Variants in OSGIN1 observed in about 807,000 individuals in gnomAD.
OSGIN1 encodes the protein oxidative stress induced growth inhibitor 1, also known as oxidative stress-induced growth inhibitor 1.
OSGIN1 carries 19 observed loss-of-function variants against 20.1 expected under a neutral mutation model. The observed-to-expected ratio is 0.95, with a 90% CI of 0.66 to 1.39. The LOEUF (loss-of-function observed/expected upper bound fraction) is 1.39. OSGIN1 is among the 40% of genes most tolerant of loss of function. The pLI is 0.00. For missense variants in OSGIN1, 820 were observed against 653.0 expected (o/e 1.26, Z -2.79); for synonymous variants, 368 against 297.8 (o/e 1.24, Z -2.43).
Position 83,966,321 on chromosome 16 carries a change from G to A in OSGIN1, c.*314G>A. 2 of 421,218 alleles carry A rather than the reference G, an allele frequency of 4.7e-6. No homozygotes were observed. Among genetic ancestry groups the A allele is most frequent in the East Asian group, 3.9e-5 (1 of 25,650 alleles). 26.1% of individuals were successfully genotyped at this position (421,218 alleles called of 1,614,324 possible). On this transcript the variant is annotated 3_prime_UTR_variant, in exon 6 of 6. Transcript: ENST00000393306. ...CAGAAGCAGGTCCCAAATAAAGCCA[G>A]TGCCCACCTGCTCTCATGCGTCTGA...
Position 83,965,570 on chromosome 16 carries a change from C to T in OSGIN1, c.997C>T (p.Leu333=), listed in dbSNP as rs149593532. 7 of 1,612,854 alleles carry T rather than the reference C, an allele frequency of 4.3e-6. No individual in the cohort carries two copies. In the African/African-American group the frequency reaches 8.0e-5, roughly 18 times the overall value. The change falls in exon 6 of 6, where the codon CTG becomes TTG. Residue 333 remains leucine (L), a synonymous_variant. Coordinates refer to ENST00000393306, the MANE Select transcript of OSGIN1 (RefSeq NM_182981.3). ...GGTGTTCAACCAGCTGCCCAAGATGCTGTACCCCGAGTACCACAAGGTGCA... is the reference window on the plus strand; with the variant it reads ...GGTGTTCAACCAGCTGCCCAAGATGTTGTACCCCGAGTACCACAAGGTGCA... The part of the protein sequence containing the change: ...GLVFNQLPKM[L]YPEYHKVHQM...
intron 5 of OSGIN1, among the ~76,000 whole-genome samples, chr16:83,962,911 CTT>C (rs1223496472): frequency 6.6e-6 from 1 of 152,232 alleles, no homozygotes; most frequent in Non-Finnish European, 1.5e-5. Context: ...TTTCCTTTAA[CTT>C]AGTGATTTGG....
intron 2 of OSGIN1, among the ~76,000 whole-genome samples, chr16:83,958,897 C>T (rs971298604): frequency 6.6e-6 from 1 of 152,196 alleles, no homozygotes; most frequent in African/African-American, 2.4e-5. Flanking sequence ...GGGTTTTAAT[C>T]CCGGCTCGTC....
At position 83,965,650 on chromosome 16, in the gene OSGIN1, C is replaced by T. The variant is rs1194332568; in HGVS notation, c.1077C>T (p.Arg359=). 3 of 1,613,306 alleles carry T rather than the reference C, an allele frequency of 1.9e-6. No individual in the cohort carries two copies. Among genetic ancestry groups the T allele is most frequent in the Non-Finnish European group, 1.7e-6 (2 of 1,180,018 alleles). The change falls in exon 6 of 6, where the codon CGC becomes CGT. Residue 359 remains arginine, a synonymous_variant. Coordinates refer to ENST00000393306, the MANE Select transcript of OSGIN1 (RefSeq NM_182981.3). ...ILSPSPYEGY[R]SLPRHQLLCF... is the part of the protein sequence containing the mutation. ...CGCCCAGCCCCTATGAGGGTTACCG[C>T]AGCCTCCCCAGGCACCAGCTGCTGT...
intron 1 of OSGIN1, among the ~76,000 whole-genome samples, chr16:83,956,452 G>A (rs1908934565): frequency 6.6e-6 from 1 of 152,156 alleles, no homozygotes; most frequent in South Asian, 2.1e-4. Flanking sequence ...GGCCACTCTG[G>A]GTGGTCCAAG....
In OSGIN1 at chr16:83,957,859, T is replaced by TTTTATTTATTTA. The variant is rs113116538; in HGVS notation, c.67+145_67+156dup. On this transcript the variant is annotated intron_variant, in intron 2 of 5. Transcript: ENST00000393306. ...TCTTTTTTCGTTTTTGGGGTTTATT[T>TTTTATTTATTTA]TTTATTTATTTATTTATTTATTTAT... The TTTTATTTATTTA allele has an allele frequency of 8.0e-3, 2,948 of 367,886 alleles. 37 individuals carry two copies. Among genetic ancestry groups the TTTTATTTATTTA allele is most frequent in the African/African-American group, 0.031 (1,376 of 44,852 alleles). 22.8% of individuals were successfully genotyped at this position (367,886 alleles called of 1,614,324 possible).
At chr16:83,960,892 C>T (rs1003855070) in intron 4 of OSGIN1, 89 bp from the exon 5 acceptor site, 2 of 1,507,852 alleles carry the variant, frequency 1.3e-6, no homozygotes, top group Admixed American at 1.7e-5. Context: ...CTCCCTCTAC[C>T]CAGCCCCAGC....
intron 1 of OSGIN1, 68 bp from the exon 2 acceptor site, chr16:83,957,572 T>C (rs1433372452): frequency 5.4e-5 from 44 of 811,492 alleles, no homozygotes; most frequent in Non-Finnish European, 6.3e-6. Context: ...AGCTGGGAGG[T>C]GAAGTGGCTG....
chr16:83,958,747 C>A (rs1469310357), intron 2 of OSGIN1, among the ~76,000 whole-genome samples: 6 of 152,208 alleles, frequency 3.9e-5, no homozygotes, highest in African/African-American at 1.4e-4. Context: ...CGGCTCAGCA[C>A]CCCTGAGCGC....
chr16:83,961,750 G>A (rs1443913019), intron 5 of OSGIN1, among the ~76,000 whole-genome samples: 1 of 152,006 alleles, frequency 6.6e-6, no homozygotes, highest in Non-Finnish European at 1.5e-5. Context: ...GCAGCAGACC[G>A]CCCTGTCACA....
In OSGIN1 at chr16:83,966,296, C is replaced by T; in HGVS notation, c.*289C>T. On this transcript the variant is annotated 3_prime_UTR_variant, in exon 6 of 6. Coordinates refer to ENST00000393306, the MANE Select transcript of OSGIN1 (RefSeq NM_182981.3). ...AGGAGACCTGCAGCCCTGCGCCTTC[C>T]AGAAGCAGGTCCCAAATAAAGCCAG... is the stretch of plus-strand genomic sequence containing the variant. 6 of 467,030 alleles carry T rather than the reference C, an allele frequency of 1.3e-5. No individual in the cohort carries two copies. The highest frequency in any genetic ancestry group is 2.3e-5 in the Non-Finnish European group (6 of 265,600). 28.9% of individuals were successfully genotyped at this position (467,030 alleles called of 1,614,324 possible).
At chr16:83,963,665 TTGACTGGCACGGCCTTGGGGG>T (rs1203643730) in intron 5 of OSGIN1, among the ~76,000 whole-genome samples, 2 of 151,950 alleles carry the variant, frequency 1.3e-5, no homozygotes, top group Non-Finnish European at 2.9e-5. Flanking sequence ...CTGCGCTGGG[TTGACTGGCACGGCCTTGGGGG>T]TCCATTGTCA....
chr16:83,958,796 G>A lies in OSGIN1; in HGVS notation c.68-464G>A, dbSNP rs76812111. The stretch of plus-strand genomic sequence containing the variant: ...CCACTCAAGTTCGCCCCCAGGCCAC[G>A]TAGCAATCTGTGCTACATTCACTCA... On this transcript the variant is annotated intron_variant, in intron 2 of 5. Coordinates refer to ENST00000393306, the MANE Select transcript of OSGIN1 (RefSeq NM_182981.3). Among the ~76,000 whole-genome samples, 468 of 152,294 alleles carry A rather than the reference G, an allele frequency of 3.1e-3. 1 individual carries two copies. Among genetic ancestry groups the A allele is most frequent in the African/African-American group, 0.01 (435 of 41,564 alleles).
intron 5 of OSGIN1, among the ~76,000 whole-genome samples, chr16:83,962,363 C>T (rs575345089): frequency 4.3e-4 from 66 of 152,292 alleles, no homozygotes; most frequent in South Asian, 1.2e-3. Context: ...CCCAGCCTCC[C>T]GAGTAGCTGG....
rs372083798 is a variant in OSGIN1 at position 83,961,060 on chromosome 16, A to G, written c.476A>G (p.Gln159Arg). The change falls in exon 5 of 6, where the codon CAG (glutamine) becomes CGG (arginine). Residue 159 changes from glutamine to arginine, a missense_variant. By Grantham distance (43) the Gln-to-Arg change is conservative (BLOSUM62 1). Transcript: ENST00000393306. ...LPDLEVKDWMQKKRRGLRNSR... is the reference protein window; with the variant it reads ...LPDLEVKDWMRKKRRGLRNSR... ...GACCTGGAGGTCAAGGACTGGATGC[A>G]GAAGAAGCGAAGGTGAGGCCGCCCC... is the stretch of plus-strand genomic sequence containing the variant. 13 of 1,613,410 alleles carry G rather than the reference A, an allele frequency of 8.1e-6. No individual in the cohort carries two copies. Among genetic ancestry groups the G allele is most frequent in the African/African-American group, 1.3e-5 (1 of 75,060 alleles).
At chr16:83,956,616 C>T (rs1908943330) in intron 1 of OSGIN1, among the ~76,000 whole-genome samples, 2 of 152,220 alleles carry the variant, frequency 1.3e-5, no homozygotes, top group Non-Finnish European at 2.9e-5. Context: ...TTTGTGCGAC[C>T]TCTCTGAGCC....
chr16:83,965,335 G>A lies in OSGIN1; in HGVS notation c.762G>A (p.Arg254=). Reference sequence around the variant, plus strand: ...CAGGCACGTTCGACAGCCCGGCCCGGCTGGGCATCCCCGGGGAGGCCCTGC... The same window carrying A: ...CAGGCACGTTCGACAGCCCGGCCCGACTGGGCATCCCCGGGGAGGCCCTGC... ...LATGTFDSPA[R]LGIPGEALPF... is the part of the protein sequence containing the mutation. Residue 254 remains arginine, a synonymous_variant, in exon 6 of 6, where the codon CGG becomes CGA. Transcript: ENST00000393306. The A allele has an allele frequency of 6.4e-7, 1 of 1,573,788 alleles. No individual in the cohort carries two copies. The highest frequency in any genetic ancestry group is 8.6e-7 in the Non-Finnish European group (1 of 1,160,538).
chr16:83,955,650 C>G (rs1037417350), intron 1 of OSGIN1, among the ~76,000 whole-genome samples: 1 of 152,220 alleles, frequency 6.6e-6, no homozygotes, highest in Non-Finnish European at 1.5e-5. Flanking sequence ...CCAGCCCACT[C>G]CACAGAAGTA....
chr16:83,965,933 G>C lies in OSGIN1; in HGVS notation c.1360G>C (p.Val454Leu). ...GGGGCCGCTGGCCGGGGACAACTTC[G>C]TGAGGTTTGTGCAGGGGGGCGCCTT... is the stretch of plus-strand genomic sequence containing the variant. ...AMGPLAGDNF[V>L]RFVQGGALAV... Residue 454 changes from valine (V) to leucine (L), a missense_variant, in exon 6 of 6, where the codon GTG becomes CTG. By Grantham distance (32) the Val-to-Leu change is conservative. Transcript: ENST00000393306. 2 of 1,612,348 alleles carry C rather than the reference G, an allele frequency of 1.2e-6. No homozygotes were observed. Among genetic ancestry groups the C allele is most frequent in the South Asian group, 2.2e-5 (2 of 91,040 alleles).
Sources: gnomAD v4.1 joint callset for allele counts (sites outside exome capture counted in the v4.1 genomes callset) on GRCh38, gnomAD v4.1.1 for gene constraint, MANE v1.5 for transcripts, NCBI Gene and HGNC (gene_info 2026-07-23, HGNC 2026-07-21) for gene names.